Variants in TDRD7 observed in about 807,000 individuals in gnomAD.
The protein encoded by TDRD7 is tudor domain-containing protein 7.
In TDRD7, 47 loss-of-function variants were observed where a neutral mutation model predicts 109.8. That is an observed-to-expected ratio of 0.43 (90% CI 0.34 to 0.55). TDRD7 has a LOEUF of 0.55. Ranked by LOEUF, TDRD7 falls within the 20% of genes least tolerant of loss-of-function variation. The pLI, the probability that TDRD7 is intolerant of heterozygous loss-of-function variation, is 0.03. For synonymous variants in TDRD7, 424 were observed against 457.3 expected, an observed-to-expected ratio of 0.93 and a Z score of 0.93; for missense variants, 1,164 against 1,319.2, an observed-to-expected ratio of 0.88 and a Z score of 1.82.
Position 97,432,134 on chromosome 9 carries a change from G to A in TDRD7, c.459G>A (p.Lys153=). 1.2e-6 allele frequency: 2 copies of A among 1,613,860 alleles called. No homozygotes were observed. The highest frequency in any genetic ancestry group is 8.5e-7 in the Non-Finnish European group (1 of 1,179,806). Residue 153 remains lysine (K), a synonymous_variant, in exon 4 of 17, where the codon AAG becomes AAA. Transcript: ENST00000355295. ...ACAAAGGAAACTCTGTTGGAGTTAA[G>A]CCTGATGCTGAAATGTCTCCTTATA... The part of the protein sequence containing the change: ...LRDKGNSVGV[K]PDAEMSPYML...
intron 4 of TDRD7, 111 bp from the exon 5 acceptor site, chr9:97,439,134 G>T (rs1587866725): frequency 4.7e-6 from 3 of 634,070 alleles, no homozygotes; most frequent in Non-Finnish European, 7.3e-6. Context: ...TTAATGACTT[G>T]TTTTGCTGTT....
intron 6 of TDRD7, among the ~76,000 whole-genome samples, chr9:97,457,552 G>T (rs1177504050): frequency 6.6e-6 from 1 of 152,008 alleles, no homozygotes; most frequent in Non-Finnish European, 1.5e-5. Flanking sequence ...CTAATATTTT[G>T]CATTTTTAGT....
intron 6 of TDRD7, among the ~76,000 whole-genome samples, chr9:97,446,518 A>T (rs1828403910): frequency 6.6e-6 from 1 of 152,240 alleles, no homozygotes; most frequent in Non-Finnish European, 1.5e-5. Flanking sequence ...TTCTACAAGG[A>T]TGTTTTACTG....
intron 16 of TDRD7, among the ~76,000 whole-genome samples, chr9:97,492,842 G>A (rs1234919412): frequency 6.6e-6 from 1 of 152,144 alleles, no homozygotes; most frequent in African/African-American, 2.4e-5. Context: ...CATATGAACT[G>A]GAACTATTAA....
At chr9:97,428,970 A>G (rs995498966) in intron 2 of TDRD7, among the ~76,000 whole-genome samples, 1 of 152,240 alleles carries the variant, frequency 6.6e-6, no homozygotes, top group African/African-American at 2.4e-5. Context: ...GTGCATAAAT[A>G]TCACACCTGC....
intron 1 of TDRD7, among the ~76,000 whole-genome samples, chr9:97,418,555 G>A (rs936553660): frequency 6.6e-6 from 1 of 152,098 alleles, no homozygotes; most frequent in Non-Finnish European, 1.5e-5. Flanking sequence ...AAAAAATTGT[G>A]AAGTGCCCTT....
chr9:97,455,302 G>A (rs952095594), intron 6 of TDRD7, among the ~76,000 whole-genome samples: 1 of 152,062 alleles, frequency 6.6e-6, no homozygotes, highest in Admixed American at 6.6e-5. Context: ...TGAAAAGGAG[G>A]GACTTTGCCC....
intron 11 of TDRD7, among the ~76,000 whole-genome samples, chr9:97,474,421 T>C (rs983900268): frequency 3.3e-5 from 5 of 152,186 alleles, no homozygotes; most frequent in Non-Finnish European, 7.3e-5. Flanking sequence ...TTTTAGCTAT[T>C]TGGGTACTTA....
intron 1 of TDRD7, among the ~76,000 whole-genome samples, chr9:97,423,972 T>C (rs1462672190): frequency 1.3e-5 from 2 of 152,038 alleles, no homozygotes; most frequent in Non-Finnish European, 2.9e-5. Context: ...GAATGTATAT[T>C]CTGCTGTCTT....
At position 97,432,185 on chromosome 9, in the gene TDRD7, AGC is replaced by A. The variant is rs1306604334; in HGVS notation, c.511_512del (p.Ala171IlefsTer19). The A allele has an allele frequency of 6.2e-7, 1 of 1,613,762 alleles. No individual in the cohort carries two copies. Among genetic ancestry groups the A allele is most frequent in the African/African-American group, 1.3e-5 (1 of 74,914 alleles). On this transcript the variant is annotated frameshift_variant, in exon 4 of 17. Coordinates refer to ENST00000355295, the MANE Select transcript of TDRD7 (RefSeq NM_014290.3). LOFTEE classifies it high-confidence loss of function. ...TGCTACACACAACTCTTGGAAATGAAGCATTCAAAGACATTCCAGTGCAAAGG... is the reference window on the plus strand; with the variant it reads ...TGCTACACACAACTCTTGGAAATGAAATTCAAAGACATTCCAGTGCAAAGG... The part of the protein sequence containing the change: ...YMLHTTLGNE[A>X]FKDIPVQRHV...
At chr9:97,469,376 T>C (rs1344542284) in intron 8 of TDRD7, among the ~76,000 whole-genome samples, 1 of 152,192 alleles carries the variant, frequency 6.6e-6, no homozygotes, top group Admixed American at 6.5e-5. Context: ...ATGGTCTTTC[T>C]GATACAAGGT....
intron 14 of TDRD7, among the ~76,000 whole-genome samples, chr9:97,482,280 C>T (rs754877235): frequency 7.9e-5 from 12 of 152,024 alleles, no homozygotes; most frequent in Admixed American, 2.0e-4. Flanking sequence ...ATGTAATTGG[C>T]GATGGGGAAA....
chr9:97,448,290 G>A (rs889210161), intron 6 of TDRD7, among the ~76,000 whole-genome samples: 1 of 152,166 alleles, frequency 6.6e-6, no homozygotes, highest in Non-Finnish European at 1.5e-5. Flanking sequence ...GGATTGGATG[G>A]GTTTAGCTCC....
chr9:97,431,609 A>G (rs986892265), intron 3 of TDRD7, among the ~76,000 whole-genome samples: 2 of 152,210 alleles, frequency 1.3e-5, no homozygotes, highest in Non-Finnish European at 2.9e-5. Flanking sequence ...ACTAAATGCC[A>G]CAGAGAGCAT....
At chr9:97,444,247 C>G (rs890749123) in intron 6 of TDRD7, among the ~76,000 whole-genome samples, 19 of 152,148 alleles carry the variant, frequency 1.2e-4, no homozygotes, top group African/African-American at 4.3e-4. Flanking sequence ...ACTTTCCTAT[C>G]TATATATTGT....
chr9:97,425,895 C>G, intron 1 of TDRD7, among the ~76,000 whole-genome samples: 1 of 152,164 alleles, frequency 6.6e-6, no homozygotes, highest in East Asian at 1.9e-4. Flanking sequence ...CACAACTGAG[C>G]TATGTGGTAT....
At position 97,478,464 on chromosome 9, in the gene TDRD7, C is replaced by T. The variant is rs760115305; in HGVS notation, c.2192C>T (p.Ala731Val). 1 of 1,613,996 alleles carries T rather than the reference C, an allele frequency of 6.2e-7. No individual in the cohort carries two copies. Among genetic ancestry groups the T allele is most frequent in the Non-Finnish European group, 8.5e-7 (1 of 1,179,974 alleles). Reference protein sequence around the residue: ...VEITNVHSSRALDVQFLDSGT... With the variant: ...VEITNVHSSRVLDVQFLDSGT... The stretch of plus-strand genomic sequence containing the variant: ...ATCACAAATGTTCACAGCAGCCGGG[C>T]TCTTGATGTTCAGTTCCTGGACTCT... Residue 731 changes from alanine (A) to valine (V), a missense_variant, in exon 13 of 17, where the codon GCT becomes GTT. Physicochemically the swap from Ala to Val is moderately conservative, Grantham distance 64 (BLOSUM62 0). Transcript: ENST00000355295.
At chr9:97,423,958 A>G (rs193240836) in intron 1 of TDRD7, among the ~76,000 whole-genome samples, 4 of 152,078 alleles carry the variant, frequency 2.6e-5, no homozygotes, top group East Asian at 1.9e-4. Context: ...TGTGCTCTTG[A>G]AAAGAATGTA....
intron 1 of TDRD7, among the ~76,000 whole-genome samples, chr9:97,420,021 A>T (rs1039238804): frequency 6.6e-6 from 1 of 152,180 alleles, no homozygotes; most frequent in Non-Finnish European, 1.5e-5. Context: ...CATTTCTCAG[A>T]ATTTACATAA....
Sources: gnomAD v4.1 joint callset for allele counts (sites outside exome capture counted in the v4.1 genomes callset) on GRCh38, gnomAD v4.1.1 for gene constraint, MANE v1.5 for transcripts, NCBI Gene and HGNC (gene_info 2026-07-23, HGNC 2026-07-21) for gene names.